Variants in CBY2 observed in about 807,000 individuals in gnomAD.
The protein encoded by CBY2 is chibby family member 2.
CBY2 carries 23 observed loss-of-function variants against 25.3 expected under a neutral mutation model. The observed-to-expected ratio is 0.91, with a 90% CI of 0.65 to 1.29. CBY2 has a LOEUF of 1.29. Among genes scored for constraint, CBY2 ranks in the 50% most tolerant of loss-of-function variants. The probability of loss-of-function intolerance (pLI) is 0.00; values close to 1 mark genes in which losing one functional copy is unlikely to be tolerated. For missense variants in CBY2, 642 were observed against 590.7 expected (o/e 1.09, Z -0.90); for synonymous variants, 279 against 260.2 (o/e 1.07, Z -0.70).
At chr13:45,708,093 G>C (rs1358665988) in intron 2 of CBY2, among the ~76,000 whole-genome samples, 1 of 152,188 alleles carries the variant, frequency 6.6e-6, no homozygotes, top group Non-Finnish European at 1.5e-5. Flanking sequence ...TGTTGGTGAG[G>C]TCGTTATAGA....
intron 2 of CBY2, chr13:45,703,151 C>T (rs1048781401): frequency 1.3e-5 from 16 of 1,252,794 alleles, no homozygotes; most frequent in South Asian, 1.2e-4. Context: ...CTTCTCAAAA[C>T]GAGATCTTTT....
chr13:45,709,541 T>C (rs1267136984), intron 2 of CBY2, among the ~76,000 whole-genome samples: 1 of 152,162 alleles, frequency 6.6e-6, no homozygotes, highest in Non-Finnish European at 1.5e-5. Context: ...TGAGGGATAA[T>C]TGTTAAATGT....
Position 45,704,528 on chromosome 13 carries a change from A to G in CBY2, c.156+1673A>G, listed in dbSNP as rs960963343. Among the ~76,000 whole-genome samples, 1 of 152,170 alleles carries G rather than the reference A, an allele frequency of 6.6e-6. No individual in the cohort carries two copies. The highest frequency in any genetic ancestry group is 1.5e-5 in the Non-Finnish European group (1 of 68,036). ...GGGTGTGGGTGTCTACAACTAGATG[A>G]TCCGAACCAAAATACCACCAGGCCT... is the stretch of plus-strand genomic sequence containing the variant. On this transcript the variant is annotated intron_variant, in intron 2 of 2. Coordinates refer to ENST00000310521, the MANE Select transcript of CBY2 (RefSeq NM_152719.3). The surrounding 1 kb of genome is among the most constrained non-coding windows in gnomAD (Gnocchi z 4.1).
chr13:45,711,427 G>A (rs902483900), intron 2 of CBY2, among the ~76,000 whole-genome samples: 11 of 152,100 alleles, frequency 7.2e-5, no homozygotes, highest in African/African-American at 2.7e-4. Flanking sequence ...TTTTTCACTC[G>A]TGAAAAGTCT....
rs8001851 is a variant in CBY2 at position 45,704,730 on chromosome 13, C to T, written c.156+1875C>T. On this transcript the variant is annotated intron_variant, in intron 2 of 2. Transcript: ENST00000310521. The surrounding 1 kb of genome is among the most constrained non-coding windows in gnomAD (Gnocchi z 4.1). ...GTAGAGATTTTACAGGTACAGGAAC[C>T]GGCAACCCCAGGAACCCCACTAGTA... is the stretch of plus-strand genomic sequence containing the variant. 3.3e-4 allele frequency among the ~76,000 whole-genome samples: 50 copies of T among 152,262 alleles called. No individual in the cohort carries two copies. The highest frequency in any genetic ancestry group is 5.7e-4 in the Non-Finnish European group (39 of 68,002).
chr13:45,713,762 C>CCT lies in CBY2; in HGVS notation c.738_739insTC (p.Leu247SerfsTer114), dbSNP rs926877632. 5 of 1,606,072 alleles carry CCT rather than the reference C, an allele frequency of 3.1e-6. No homozygotes were observed. In the African/African-American group the frequency reaches 6.7e-5, roughly 21 times the overall value. The stretch of plus-strand genomic sequence containing the variant: ...GTGCCCCGTGGCAAGGAGGACAGCA[C>CCT]CCTGCAGCTCCTCCGGGAGGAGAAT... On this transcript the variant is annotated frameshift_variant, in exon 3 of 3. Transcript: ENST00000310521. LOFTEE classifies it high-confidence loss of function. This position sits in a 1 kb window ranked among gnomAD's most constrained non-coding sequence, Gnocchi z 5.0.
At chr13:45,703,896 C>T (rs908848963) in intron 2 of CBY2, among the ~76,000 whole-genome samples, 10 of 152,094 alleles carry the variant, frequency 6.6e-5, no homozygotes, top group Admixed American at 3.9e-4. Flanking sequence ...ACCTGAAATA[C>T]GCAGGGAGTT....
intron 2 of CBY2, among the ~76,000 whole-genome samples, chr13:45,709,963 T>C (rs1276299236): frequency 1.3e-5 from 2 of 152,168 alleles, no homozygotes; most frequent in African/African-American, 4.8e-5. Context: ...CATCTCTGAG[T>C]TTCAGTTTCT....
chr13:45,707,118 C>T lies in CBY2; in HGVS notation c.156+4263C>T, dbSNP rs35463810. Among the ~76,000 whole-genome samples the T allele has an allele frequency of 3.4e-3, 525 of 152,174 alleles. 2 individuals are homozygous for T. The highest frequency in any genetic ancestry group is 0.017 in the Middle Eastern group (5 of 294). On this transcript the variant is annotated intron_variant, in intron 2 of 2. Coordinates refer to ENST00000310521, the MANE Select transcript of CBY2 (RefSeq NM_152719.3). ...ATTCTGAGAGGCAAAATGACTTTCTCAAGAGCAGTCAAAGGAAGGACTTTT... is the reference window on the plus strand; with the variant it reads ...ATTCTGAGAGGCAAAATGACTTTCTTAAGAGCAGTCAAAGGAAGGACTTTT...
At chr13:45,702,614 G>T in intron 1 of CBY2, 149 bp downstream of exon 1, 2 of 865,060 alleles carry the variant, frequency 2.3e-6, no homozygotes, top group Non-Finnish European at 3.8e-6. Context: ...CATCATGCCA[G>T]ATATCATCTA....
chr13:45,709,973 T>A (rs1950260474), intron 2 of CBY2, among the ~76,000 whole-genome samples: 1 of 152,206 alleles, frequency 6.6e-6, no homozygotes, highest in East Asian at 1.9e-4. Flanking sequence ...TTTCAGTTTC[T>A]CCATCTGTAA....
At chr13:45,709,997 A>G (rs919213886) in intron 2 of CBY2, among the ~76,000 whole-genome samples, 1 of 152,184 alleles carries the variant, frequency 6.6e-6, no homozygotes, top group African/African-American at 2.4e-5. Flanking sequence ...AAGAATAGTA[A>G]TAATATCTTA....
rs931535924 is a variant in CBY2, at chr13:45,714,530, G to T, written c.*158G>T. 1.7e-6 allele frequency: 1 copy of T among 603,448 alleles called. No individual in the cohort carries two copies. Among genetic ancestry groups the T allele is most frequent in the Non-Finnish European group, 2.8e-6 (1 of 358,786 alleles). 37.4% of individuals were successfully genotyped at this position (603,448 alleles called of 1,614,324 possible). Reference sequence around the variant, plus strand: ...TCCTAAACTCAGAGTTTTAATAAAGGTGTGAGGAGGCTGGGGCCAGTTGAC... The same window carrying T: ...TCCTAAACTCAGAGTTTTAATAAAGTTGTGAGGAGGCTGGGGCCAGTTGAC... On this transcript the variant is annotated 3_prime_UTR_variant, in exon 3 of 3. Coordinates refer to ENST00000310521, the MANE Select transcript of CBY2 (RefSeq NM_152719.3).
At chr13:45,703,022 A>G (rs1950220132) in intron 2 of CBY2, 167 bp downstream of exon 2, 2 of 1,180,012 alleles carry the variant, frequency 1.7e-6, no homozygotes, top group South Asian at 1.8e-5. Flanking sequence ...GGAAGGCCAC[A>G]TAGCCCCTCT....
intron 2 of CBY2, 51 bp downstream of exon 2, chr13:45,702,906 C>T: frequency 3.6e-6 from 5 of 1,386,274 alleles, no homozygotes; most frequent in Non-Finnish European, 5.1e-6. Context: ...CCAGAATAAC[C>T]CCCCATCTCC....
chr13:45,703,002 G>A (rs142324254), intron 2 of CBY2, 147 bp downstream of exon 2: 49 of 1,090,082 alleles, frequency 4.5e-5, no homozygotes, highest in Admixed American at 8.5e-5. Context: ...GCCAGCAGGC[G>A]GTGTGCTGGG....
In CBY2 at chr13:45,714,094, C is replaced by A. The variant is rs751875843; in HGVS notation, c.1069C>A (p.Gln357Lys). The A allele has an allele frequency of 2.6e-6, 4 of 1,546,476 alleles. No homozygotes were observed. In the African/African-American group the frequency reaches 4.1e-5, roughly 16 times the overall value. ...CCTGCCCGACGGCTGCCAGCCCCTG[C>A]AGCTGCTGAGAGAGATGAGGCAGGC... is the stretch of plus-strand genomic sequence containing the variant. ...PGLPDGCQPL[Q>K]LLREMRQALQ... Residue 357 changes from glutamine (Q) to lysine (K), a missense_variant, in exon 3 of 3, where the codon CAG becomes AAG. Transcript: ENST00000310521.
chr13:45,708,474 T>C (rs1235742843), intron 2 of CBY2, among the ~76,000 whole-genome samples: 1 of 152,224 alleles, frequency 6.6e-6, no homozygotes, highest in African/African-American at 2.4e-5. Flanking sequence ...GCCAAATTAA[T>C]GTTAGTTGAT....
chr13:45,703,537 C>G, intron 2 of CBY2: 8 of 1,550,932 alleles, frequency 5.2e-6, no homozygotes, highest in Non-Finnish European at 7.0e-6. Flanking sequence ...ATTGGAAGAC[C>G]AGGGCCATGC....
Sources: allele counts gnomAD v4.1 joint callset (sites outside exome capture counted in the v4.1 genomes callset), GRCh38; gene constraint gnomAD v4.1.1; non-coding constraint Gnocchi (gnomAD v3.1); transcripts MANE v1.5; gene names NCBI Gene and HGNC (gene_info 2026-07-23, HGNC 2026-07-21).